Variants in UBOX5 observed in about 807,000 individuals in gnomAD.
UBOX5 encodes RING finger protein 37.
In UBOX5, 28 loss-of-function variants were observed where a neutral mutation model predicts 39.0. The ratio of observed to expected loss-of-function variants is 0.72; its 90% CI spans 0.53 to 0.98. The LOEUF (loss-of-function observed/expected upper bound fraction) is 0.98. Among genes scored for constraint, UBOX5 ranks in the 50% least tolerant of loss-of-function variants. The probability of loss-of-function intolerance (pLI) is 0.00; values close to 1 mark genes in which losing one functional copy is unlikely to be tolerated. For missense variants in UBOX5, 585 were observed against 674.4 expected (o/e 0.87, Z 1.47); for synonymous variants, 283 against 275.5 (o/e 1.03, Z -0.27).
intron 1 of UBOX5, chr20:3,151,862 T>C (rs1044723980): frequency 6.6e-6 from 1 of 151,338 alleles, no homozygotes; most frequent in African/African-American, 2.4e-5. Context: ...TCCAGCACTT[T>C]GAGAGGCCAA....
intron 1 of UBOX5, chr20:3,147,988 T>G: frequency 1.9e-6 from 3 of 1,614,184 alleles, no homozygotes; most frequent in East Asian, 2.2e-5. Context: ...AACGGAACAT[T>G]TTAACAATAT....
intron 1 of UBOX5, among the ~76,000 whole-genome samples, chr20:3,143,687 C>G (rs1239737898): frequency 2.0e-5 from 3 of 152,180 alleles, no homozygotes; most frequent in African/African-American, 7.2e-5. Context: ...CCCAGCTACT[C>G]GGGAGGCTGG....
At chr20:3,157,146 T>G (rs2122134649) in intron 1 of UBOX5, among the ~76,000 whole-genome samples, 1 of 152,250 alleles carries the variant, frequency 6.6e-6, no homozygotes, top group South Asian at 2.1e-4. Context: ...GCTGAGGTAT[T>G]CTGCTGAGAA....
intron 1 of UBOX5, among the ~76,000 whole-genome samples, chr20:3,126,520 A>AG (rs1242731423): frequency 2.6e-5 from 4 of 151,538 alleles, no homozygotes; most frequent in African/African-American, 9.7e-5. Context: ...CTAAAAAAAA[A>AG]AAAAGAAAAG....
At chr20:3,141,919 A>C (rs1359337580) in intron 1 of UBOX5, among the ~76,000 whole-genome samples, 1 of 152,112 alleles carries the variant, frequency 6.6e-6, no homozygotes, top group Non-Finnish European at 1.5e-5. Context: ...AGGCTGAGGC[A>C]GGAGGATCAC....
intron 3 of UBOX5, among the ~76,000 whole-genome samples, chr20:3,118,469 C>T (rs2066310263): frequency 6.6e-6 from 1 of 151,416 alleles, no homozygotes; most frequent in Admixed American, 6.6e-5. Context: ...GAGACTCTGC[C>T]TCATAAAAAT....
rs187683120 is a variant in UBOX5 at position 3,141,434 on chromosome 20, G to C, written c.-41-18028C>G. Among the ~76,000 whole-genome samples, 474 of 152,032 alleles carry C rather than the reference G, an allele frequency of 3.1e-3. 9 individuals carry two copies. In the East Asian group the frequency reaches 0.033, roughly 11 times the overall value. On this transcript the variant is annotated intron_variant, in intron 1 of 4. Transcript: ENST00000217173. ...AGGCCGAGGCAGGTGGATTACCTGA[G>C]GTCAGGAGTTTTTGATACCAGCCTG... is the stretch of plus-strand genomic sequence containing the variant.
At chr20:3,147,200 C>T in intron 1 of UBOX5, 1 of 1,614,198 alleles carries the variant, frequency 6.2e-7, no homozygotes, top group Non-Finnish European at 8.5e-7. Context: ...ATCTGTAAGG[C>T]TGACTCCCAC....
chr20:3,148,945 G>C, intron 1 of UBOX5: 1 of 1,614,160 alleles, frequency 6.2e-7, no homozygotes, highest in South Asian at 1.1e-5. Flanking sequence ...GTTCTGGAGG[G>C]TCCTGTCCCC....
At chr20:3,137,778 T>C (rs185735147) in intron 1 of UBOX5, among the ~76,000 whole-genome samples, 1 of 152,338 alleles carries the variant, frequency 6.6e-6, no homozygotes, top group Non-Finnish European at 1.5e-5. Context: ...TTTCATGTTA[T>C]CCTTTAGAAA....
intron 1 of UBOX5, among the ~76,000 whole-genome samples, chr20:3,131,230 A>C (rs1435344210): frequency 1.4e-5 from 2 of 145,876 alleles, no homozygotes; most frequent in Non-Finnish European, 3.0e-5. Flanking sequence ...CTCCATCTCA[A>C]AAAAAAAAAA....
chr20:3,113,815 T>C (rs1475341342), intron 4 of UBOX5, among the ~76,000 whole-genome samples: 1 of 152,166 alleles, frequency 6.6e-6, no homozygotes, highest in Non-Finnish European at 1.5e-5. Context: ...ATGTGAGCAG[T>C]ACAGAGTCTG....
chr20:3,136,422 C>T (rs938999617), intron 1 of UBOX5, among the ~76,000 whole-genome samples: 29 of 151,992 alleles, frequency 1.9e-4, no homozygotes, highest in Non-Finnish European at 2.6e-4. Context: ...GGCACAATCT[C>T]GGCTTAATGA....
chr20:3,128,474 AGATGGCT>A (rs370527314), intron 1 of UBOX5, among the ~76,000 whole-genome samples: 2 of 152,368 alleles, frequency 1.3e-5, no homozygotes, highest in African/African-American at 4.8e-5. Context: ...GGCCCCAGGC[AGATGGCT>A]GAGGTTGGGG....
rs2066344148 is a variant in UBOX5, at chr20:3,122,271, AG to A, written c.367del (p.Leu123Ter). On this transcript the variant is annotated frameshift_variant, in exon 3 of 5. Coordinates refer to ENST00000217173, the MANE Select transcript of UBOX5 (RefSeq NM_014948.4). LOFTEE classifies it high-confidence loss of function. ...EAFTLVGKVL[L>X]KNQSQVVFSH... Reference sequence around the variant, plus strand: ...AAACACCACTTGGCTCTGGTTTTTCAGTAAGACTTTGCCTACCAAGGTGAAC... The same window carrying A: ...AAACACCACTTGGCTCTGGTTTTTCATAAGACTTTGCCTACCAAGGTGAAC... 6.2e-7 allele frequency: 1 copy of A among 1,614,192 alleles called. No homozygotes were observed. The highest frequency in any genetic ancestry group is 1.3e-5 in the African/African-American group (1 of 75,048).
chr20:3,133,316 A>G (rs2066444153), intron 1 of UBOX5, among the ~76,000 whole-genome samples: 1 of 152,246 alleles, frequency 6.6e-6, no homozygotes, highest in Non-Finnish European at 1.5e-5. Context: ...AGCCTAGCCC[A>G]GAAAGACGGC....
At chr20:3,136,236 T>C (rs2066470273) in intron 1 of UBOX5, 1 of 84,774 alleles carries the variant, frequency 1.2e-5, no homozygotes, top group African/African-American at 4.9e-5. Flanking sequence ...CTCTTTTTAT[T>C]CTTTTTTTTT....
chr20:3,145,238 G>A (rs2148616689), intron 1 of UBOX5, among the ~76,000 whole-genome samples: 1 of 151,360 alleles, frequency 6.6e-6, no homozygotes. Flanking sequence ...CTGCAGTCTT[G>A]ACCTTCTAAA....
intron 1 of UBOX5, among the ~76,000 whole-genome samples, chr20:3,145,259 C>G (rs1226155767): frequency 6.6e-6 from 1 of 151,546 alleles, no homozygotes; most frequent in African/African-American, 2.4e-5. Context: ...CTACGGTGAT[C>G]CTCCCACCTC....
Sources: gnomAD v4.1 joint callset for allele counts (sites outside exome capture counted in the v4.1 genomes callset) on GRCh38, gnomAD v4.1.1 for gene constraint, MANE v1.5 for transcripts, NCBI Gene and HGNC (gene_info 2026-07-23, HGNC 2026-07-21) for gene names.